PPP1R9B: variants seen among roughly 807,000 people sequenced by gnomAD.
PPP1R9B encodes the protein protein phosphatase 1 regulatory subunit 9B.
A neutral mutation model predicts 75.8 loss-of-function variants in PPP1R9B; 17 were observed. The observed-to-expected ratio is 0.22, with a 90% CI of 0.15 to 0.34. The LOEUF (loss-of-function observed/expected upper bound fraction) is 0.34, where lower values mean the gene tolerates loss of function less well. Among genes scored for constraint, PPP1R9B ranks in the 10% least tolerant of loss-of-function variants. The probability of loss-of-function intolerance (pLI) is 1.00; values close to 1 mark genes in which losing one functional copy is unlikely to be tolerated. For synonymous variants in PPP1R9B, 509 were observed against 535.4 expected (o/e 0.95, Z 0.68); for missense variants, 875 against 1,196.0 (o/e 0.73, Z 3.96).
In PPP1R9B at chr17:50,150,676, T is replaced by C. The variant is rs1310364931; in HGVS notation, c.-163A>G. The C allele has an allele frequency of 1.6e-6, 1 of 617,774 alleles. No individual in the cohort carries two copies. Among genetic ancestry groups the C allele is most frequent in the East Asian group, 3.6e-5 (1 of 27,972 alleles). The allele number at this position is 617,774 out of a possible 1,614,324, so 38.3% of individuals were successfully genotyped here. ...AGCTGCCAAAAACAGTTAATCCCGCTTTAAAAAAAAAAATGAAAAAAAAAA... is the reference window on the plus strand; with the variant it reads ...AGCTGCCAAAAACAGTTAATCCCGCCTTAAAAAAAAAAATGAAAAAAAAAA... On this transcript the variant is annotated 5_prime_UTR_variant, in exon 1 of 10. Coordinates refer to ENST00000612501, the MANE Select transcript of PPP1R9B (RefSeq NM_032595.5). This position sits in a 1 kb window ranked among gnomAD's most constrained non-coding sequence, Gnocchi z 8.7.
At position 50,149,639 on chromosome 17, in the gene PPP1R9B, G is replaced by C; in HGVS notation, c.875C>G (p.Pro292Arg). Residue 292 changes from proline (P) to arginine (R), a missense_variant, in exon 1 of 10, where the codon CCC (proline) becomes CGC (arginine). Transcript: ENST00000612501. This position sits in a 1 kb window ranked among gnomAD's most constrained non-coding sequence, Gnocchi z 7.2. ...RVAPARPPPK[P>R]REVRKIKPVE... ...CGGCTTAATCTTGCGCACCTCCCGG[G>C]GCTTGGGGGGCGGCCGGGCAGGGGC... 6.6e-7 allele frequency: 1 copy of C among 1,521,994 alleles called. No individual in the cohort carries two copies. The highest frequency in any genetic ancestry group is 8.8e-7 in the Non-Finnish European group (1 of 1,138,070). The allele number at this position is 1,521,994 out of a possible 1,614,324, so 94.3% of individuals were successfully genotyped here.
chr17:50,135,214 G>T lies in PPP1R9B; in HGVS notation c.*117C>A. 1 of 754,714 alleles carries T rather than the reference G, an allele frequency of 1.3e-6. No individual in the cohort carries two copies. The highest frequency in any genetic ancestry group is 1.7e-5 in the South Asian group (1 of 60,272). 46.8% of individuals were successfully genotyped at this position (754,714 alleles called of 1,614,324 possible). A position where few individuals can be genotyped will look rare whatever the true frequency, so the allele number is the denominator to read the frequency against. ...CTGGGGGAGGTGGGGTGGAGGGGTG[G>T]GGGGAGTCGGGGCACCTGTCCCCAG... On this transcript the variant is annotated 3_prime_UTR_variant, in exon 10 of 10. Coordinates refer to ENST00000612501, the MANE Select transcript of PPP1R9B (RefSeq NM_032595.5).
Position 50,150,477 on chromosome 17 carries a change from G to A in PPP1R9B, c.37C>T (p.Leu13Phe), listed in dbSNP as rs1912667228. ...CTGCGGTGCGGGGAGGCGCTCCGGA[G>A]GGGACCCCCGGGCCCCCGTGGCTCC... The part of the protein sequence containing the change: ...KTEPRGPGGP[L>F]RSASPHRSAY... Residue 13 changes from leucine to phenylalanine, a missense_variant, in exon 1 of 10, where the codon CTC (leucine) becomes TTC (phenylalanine). Leu to Phe is a conservative substitution (Grantham distance 22, BLOSUM62 0). Coordinates refer to ENST00000612501, the MANE Select transcript of PPP1R9B (RefSeq NM_032595.5). The surrounding 1 kb of genome is among the most constrained non-coding windows in gnomAD (Gnocchi z 8.7). 2 of 1,370,940 alleles carry A rather than the reference G, an allele frequency of 1.5e-6. No homozygotes were observed. Among genetic ancestry groups the A allele is most frequent in the African/African-American group, 1.5e-5 (1 of 65,436 alleles). The allele number at this position is 1,370,940 out of a possible 1,614,324, so 84.9% of individuals were successfully genotyped here. A position where few individuals can be genotyped will look rare whatever the true frequency, so the allele number is the denominator to read the frequency against.
In PPP1R9B at chr17:50,134,151, G is replaced by A. The variant is rs1912146013; in HGVS notation, c.*1180C>T. The stretch of plus-strand genomic sequence containing the variant: ...CAAAATGAGATGGATTTTGAAAGGG[G>A]AGGGGACCTGGGGGAGGTGGTCTCA... On this transcript the variant is annotated 3_prime_UTR_variant, in exon 10 of 10. Coordinates refer to ENST00000612501, the MANE Select transcript of PPP1R9B (RefSeq NM_032595.5). 1 of 152,664 alleles carries A rather than the reference G, an allele frequency of 6.6e-6. No homozygotes were observed. The highest frequency in any genetic ancestry group is 1.5e-5 in the Non-Finnish European group (1 of 68,044). 9.5% of individuals were successfully genotyped at this position (152,664 alleles called of 1,614,324 possible).
At chr17:50,141,465 G>C in intron 3 of PPP1R9B, 92 bp from the exon 4 acceptor site, 1 of 757,146 alleles carries the variant, frequency 1.3e-6, no homozygotes, top group Non-Finnish European at 2.1e-6. Flanking sequence ...AGGCTCCCCA[G>C]CCTGAGTACA....
chr17:50,135,532 C>T, intron 9 of PPP1R9B, 21 bp downstream of exon 9: 1 of 1,606,116 alleles, frequency 6.2e-7, no homozygotes, highest in Non-Finnish European at 8.5e-7. Context: ...GGGCCCTGCC[C>T]ACAGGGCGCC....
At position 50,141,377 on chromosome 17, in the gene PPP1R9B, G is replaced by A; in HGVS notation, c.1626-4C>T. ...CAGGAGATCATTCACCTGGATCCTA[G>A]CGGAGTGACATTGGTTAAGGGGTCA... is the stretch of plus-strand genomic sequence containing the variant. On this transcript the variant is annotated splice_region_variant and splice_polypyrimidine_tract_variant and intron_variant, in intron 3 of 9. Coordinates refer to ENST00000612501, the MANE Select transcript of PPP1R9B (RefSeq NM_032595.5). 6.4e-7 allele frequency: 1 copy of A among 1,567,850 alleles called. No individual in the cohort carries two copies. Among genetic ancestry groups the A allele is most frequent in the East Asian group, 2.4e-5 (1 of 42,064 alleles).
Position 50,150,580 on chromosome 17 carries a change from G to C in PPP1R9B, c.-67C>G. On this transcript the variant is annotated 5_prime_UTR_variant, in exon 1 of 10. Coordinates refer to ENST00000612501, the MANE Select transcript of PPP1R9B (RefSeq NM_032595.5). The surrounding 1 kb of genome is among the most constrained non-coding windows in gnomAD (Gnocchi z 8.7). ...CCCGCTTCAACAGGCGGCTGGCCAAGTCGGGACCACCGCCCCCTCCCCCCG... is the reference window on the plus strand; with the variant it reads ...CCCGCTTCAACAGGCGGCTGGCCAACTCGGGACCACCGCCCCCTCCCCCCG... 4 of 1,251,254 alleles carry C rather than the reference G, an allele frequency of 3.2e-6. No individual in the cohort carries two copies. Among genetic ancestry groups the C allele is most frequent in the Non-Finnish European group, 4.0e-6 (4 of 998,318 alleles). The allele number at this position is 1,251,254 out of a possible 1,614,324, so 77.5% of individuals were successfully genotyped here.
In PPP1R9B at chr17:50,139,941, G is replaced by A. The variant is rs560705310; in HGVS notation, c.1866+152C>T. The stretch of plus-strand genomic sequence containing the variant: ...TGAGAGGACTGTGTATTCCTTGTCC[G>A]GCCTCTGAAGACAAAGAGTGTGACT... On this transcript the variant is annotated intron_variant, in intron 5 of 9. Transcript: ENST00000612501. The surrounding 1 kb of genome is among the most constrained non-coding windows in gnomAD (Gnocchi z 5.0). Among the ~76,000 whole-genome samples the A allele has an allele frequency of 1.3e-5, 2 of 152,258 alleles. No homozygotes were observed. Among genetic ancestry groups the A allele is most frequent in the South Asian group, 2.1e-4 (1 of 4,820 alleles).
At chr17:50,135,407 G>A in intron 9 of PPP1R9B, 23 bp from the exon 10 acceptor site, 2 of 1,612,718 alleles carry the variant, frequency 1.2e-6, no homozygotes, top group South Asian at 1.1e-5. Context: ...GGAGGGTAGG[G>A]GGTCAGGTCT....
chr17:50,139,684 C>A lies in PPP1R9B; in HGVS notation c.1867-103G>T. 7.4e-7 allele frequency: 1 copy of A among 1,355,248 alleles called. No homozygotes were observed. Among genetic ancestry groups the A allele is most frequent in the Non-Finnish European group, 1.0e-6 (1 of 1,001,382 alleles). 84.0% of individuals were successfully genotyped at this position (1,355,248 alleles called of 1,614,324 possible). ...TGCCCATGCCAGACAGAGAGCTACC[C>A]AGGAATGTGGTTCATGCCTCCCACT... is the stretch of plus-strand genomic sequence containing the variant. On this transcript the variant is annotated intron_variant, in intron 5 of 9. Transcript: ENST00000612501. The surrounding 1 kb of genome is among the most constrained non-coding windows in gnomAD (Gnocchi z 5.0).
intron 5 of PPP1R9B, 62 bp downstream of exon 5, chr17:50,140,031 T>A: frequency 6.4e-7 from 1 of 1,573,696 alleles, no homozygotes; most frequent in Non-Finnish European, 8.7e-7. Context: ...GGCAGATGAC[T>A]GTAATGCTTC....
At chr17:50,135,840 G>C in intron 8 of PPP1R9B, 128 bp downstream of exon 8, 1 of 885,098 alleles carries the variant, frequency 1.1e-6, no homozygotes, top group Non-Finnish European at 1.7e-6. Flanking sequence ...ATTCCGGACC[G>C]GGTGTCCCCA....
chr17:50,149,176 G>A lies in PPP1R9B; in HGVS notation c.1338C>T (p.Ser446=), dbSNP rs1286261123. 5 of 1,552,410 alleles carry A rather than the reference G, an allele frequency of 3.2e-6. No individual in the cohort carries two copies. In the South Asian group the frequency reaches 3.5e-5, roughly 11 times the overall value. Residue 446 remains serine (S), a synonymous_variant, in exon 1 of 10, where the codon AGC becomes AGT. Coordinates refer to ENST00000612501, the MANE Select transcript of PPP1R9B (RefSeq NM_032595.5). This position sits in a 1 kb window ranked among gnomAD's most constrained non-coding sequence, Gnocchi z 7.2. ...GCGCCGTGCTGAAATGGATCTTCCG[G>A]CTCGGGGCTGGGTCCTCCTCCTCCG... ...GLSEEEDPAP[S]RKIHFSTAPI...
chr17:50,148,250 C>A (rs756912612), intron 1 of PPP1R9B, among the ~76,000 whole-genome samples: 9 of 152,360 alleles, frequency 5.9e-5, no homozygotes, highest in Middle Eastern at 3.4e-3. Flanking sequence ...GGGATGAGAC[C>A]CCCAAAAGGG....
At chr17:50,147,172 T>G in intron 1 of PPP1R9B, among the ~76,000 whole-genome samples, 1 of 152,360 alleles carries the variant, frequency 6.6e-6, no homozygotes. Flanking sequence ...ATCCCAGGCC[T>G]GGGCTCAGAG....
Position 50,135,976 on chromosome 17 carries a change from G to A in PPP1R9B, c.2295C>T (p.Tyr765=). ...AGCCCCCAGCCACGTACTTCTGCTG[G>A]TAGTCCTTGATGAGGCGCTTGGCCT... The part of the protein sequence containing the change: ...YSKAKRLIKD[Y]QQKEIEFLKK... The change falls in exon 8 of 10, where the codon TAC becomes TAT. Residue 765 remains tyrosine, a synonymous_variant. Coordinates refer to ENST00000612501, the MANE Select transcript of PPP1R9B (RefSeq NM_032595.5). 6.4e-7 allele frequency: 1 copy of A among 1,569,330 alleles called. No homozygotes were observed. Among genetic ancestry groups the A allele is most frequent in the Non-Finnish European group, 8.6e-7 (1 of 1,156,356 alleles).
intron 1 of PPP1R9B, among the ~76,000 whole-genome samples, chr17:50,148,253 C>T (rs1158493635): frequency 6.6e-6 from 1 of 152,240 alleles, no homozygotes; most frequent in Non-Finnish European, 1.5e-5. Context: ...ATGAGACCCC[C>T]AAAAGGGGCA....
At chr17:50,147,924 G>A (rs976210316) in intron 1 of PPP1R9B, among the ~76,000 whole-genome samples, 9 of 152,172 alleles carry the variant, frequency 5.9e-5, no homozygotes, top group Non-Finnish European at 1.2e-4. Context: ...GAGTAGTTAT[G>A]GAAACGACAA....
Sources: gnomAD v4.1 joint callset for allele counts (sites outside exome capture counted in the v4.1 genomes callset) on GRCh38, gnomAD v4.1.1 for gene constraint, Gnocchi (gnomAD v3.1) non-coding constraint, MANE v1.5 for transcripts, NCBI Gene and HGNC (gene_info 2026-07-23, HGNC 2026-07-21) for gene names.